The following SLC34A1 variants were observed in gnomAD, a reference collection of about 807,000 sequenced individuals.
SLC34A1 encodes sodium-dependent phosphate transport protein 2A.
A neutral mutation model predicts 51.4 loss-of-function variants in SLC34A1; 57 were observed. That is an observed-to-expected ratio of 1.11 (90% CI 0.90 to 1.38). The LOEUF is 1.38. SLC34A1 is among the 40% of genes most tolerant of loss of function. The pLI is 0.00. For missense variants in SLC34A1, 796 were observed against 835.6 expected, an observed-to-expected ratio of 0.95 and a Z score of 0.58; for synonymous variants, 368 against 358.0, an observed-to-expected ratio of 1.03 and a Z score of -0.32.
At chr5:177,385,549 C>A (rs550839296) in intron 1 of SLC34A1, 146 bp from the exon 2 acceptor site, 21 of 645,620 alleles carry the variant, frequency 3.3e-5, no homozygotes, top group Non-Finnish European at 5.4e-5. Flanking sequence ...TGTGTTTGTG[C>A]GTGTGAGTCT....
At chr5:177,397,700 G>A (rs1561635768) in intron 12 of SLC34A1, 83 bp from the exon 13 acceptor site, 1 of 1,571,958 alleles carries the variant, frequency 6.4e-7, no homozygotes, top group African/African-American at 1.3e-5. Flanking sequence ...CCAGATCGGG[G>A]TTCCTATCAT....
intron 12 of SLC34A1, 68 bp downstream of exon 12, chr5:177,397,142 G>A (rs1028159449): frequency 1.9e-6 from 3 of 1,575,044 alleles, no homozygotes; most frequent in Non-Finnish European, 2.6e-6. Flanking sequence ...GCCTCACAAA[G>A]GTGTGACAAC....
rs750164360 is a variant in SLC34A1 at position 177,398,222 on chromosome 5, T to C, written c.1856T>C (p.Leu619Pro). ...PLPPRVFLEE[L>P]PPATPSPRLA... Reference sequence around the variant, plus strand: ...CCCCCCAGGGTCTTCCTGGAGGAGCTACCCCCTGCCACACCCTCCCCCCGT... The same window carrying C: ...CCCCCCAGGGTCTTCCTGGAGGAGCCACCCCCTGCCACACCCTCCCCCCGT... The change falls in exon 13 of 13, where the codon CTA becomes CCA. Residue 619 changes from leucine to proline, a missense_variant. Leu to Pro is a moderately conservative substitution (Grantham distance 98, BLOSUM62 -3). Coordinates refer to ENST00000324417, the MANE Select transcript of SLC34A1 (RefSeq NM_003052.5). The surrounding 1 kb of genome is among the most constrained non-coding windows in gnomAD (Gnocchi z 4.7). 3 of 1,602,552 alleles carry C rather than the reference T, an allele frequency of 1.9e-6. No individual in the cohort carries two copies. In the South Asian group the frequency reaches 3.3e-5, roughly 18 times the overall value.
At position 177,398,502 on chromosome 5, in the gene SLC34A1, G is replaced by GT; in HGVS notation, c.*217dup. ...GTGCACCTGTCATGTGTAGAAGCTT[G>GT]TATTTGTGTACAGGTGTGCCAGCCC... On this transcript the variant is annotated 3_prime_UTR_variant, in exon 13 of 13. Coordinates refer to ENST00000324417, the MANE Select transcript of SLC34A1 (RefSeq NM_003052.5). The surrounding 1 kb of genome is among the most constrained non-coding windows in gnomAD (Gnocchi z 4.7). 3.1e-6 allele frequency: 2 copies of GT among 642,464 alleles called. No homozygotes were observed. Among genetic ancestry groups the GT allele is most frequent in the Non-Finnish European group, 5.6e-6 (2 of 355,134 alleles). The allele number at this position is 642,464 out of a possible 1,614,324, so 39.8% of individuals were successfully genotyped here.
chr5:177,388,110 C>T lies in SLC34A1; in HGVS notation c.761C>T (p.Ser254Phe), dbSNP rs758903427. 3 of 1,614,158 alleles carry T rather than the reference C, an allele frequency of 1.9e-6. No individual in the cohort carries two copies. Among genetic ancestry groups the T allele is most frequent in the Admixed American group, 1.7e-5 (1 of 60,028 alleles). The change falls in exon 7 of 13, where the codon TCC becomes TTC. Residue 254 changes from serine to phenylalanine, a missense_variant. Transcript: ENST00000324417. This position sits in a 1 kb window ranked among gnomAD's most constrained non-coding sequence, Gnocchi z 4.3. ...LHHITRLVVA[S>F]FNIHGGRDAP... is the part of the protein sequence containing the mutation. Reference sequence around the variant, plus strand: ...CACATCACTCGACTTGTGGTGGCCTCCTTCAACATCCATGGTGGCCGTGAT... The same window carrying T: ...CACATCACTCGACTTGTGGTGGCCTTCTTCAACATCCATGGTGGCCGTGAT...
chr5:177,391,434 TC>T (rs1205413044), intron 8 of SLC34A1, among the ~76,000 whole-genome samples: 2 of 152,112 alleles, frequency 1.3e-5, no homozygotes, highest in Non-Finnish European at 2.9e-5. Flanking sequence ...TTCCCCATTC[TC>T]CTCCAGCCTT....
intron 8 of SLC34A1, among the ~76,000 whole-genome samples, chr5:177,390,712 T>G (rs1314721248): frequency 1.3e-5 from 2 of 151,878 alleles, no homozygotes; most frequent in Admixed American, 6.6e-5. Flanking sequence ...CTCCCTCGGC[T>G]TCCAGAAGAA....
chr5:177,385,140 T>C (rs935256746), intron 1 of SLC34A1, among the ~76,000 whole-genome samples: 3 of 152,072 alleles, frequency 2.0e-5, no homozygotes, highest in Admixed American at 6.5e-5. Context: ...GGGATCTCCG[T>C]GTGTGCCCAG....
intron 8 of SLC34A1, among the ~76,000 whole-genome samples, chr5:177,391,938 T>G (rs949030114): frequency 2.6e-5 from 4 of 152,212 alleles, no homozygotes; most frequent in African/African-American, 7.2e-5. Context: ...CACCTGGCTC[T>G]CTCTCTCCCT....
intron 1 of SLC34A1, among the ~76,000 whole-genome samples, chr5:177,385,358 G>A (rs754723144): frequency 6.6e-6 from 1 of 152,186 alleles, no homozygotes; most frequent in Non-Finnish European, 1.5e-5. Context: ...CGGAGCCTGG[G>A]CTAGAGCTCA....
rs1014275857 is a variant in SLC34A1, at chr5:177,391,530, C to T, written c.937-2164C>T. Among the ~76,000 whole-genome samples the T allele has an allele frequency of 1.1e-4, 17 of 152,334 alleles. No individual in the cohort carries two copies. In the East Asian group the frequency reaches 3.3e-3, roughly 29 times the overall value. On this transcript the variant is annotated intron_variant, in intron 8 of 12. Transcript: ENST00000324417. ...GGGGCACACGTTGACCAGGCACCTA[C>T]TCATTCAAGGGGTTGTCTGCTACCT...
In SLC34A1 at chr5:177,388,031, TG is replaced by T. The variant is rs781133914; in HGVS notation, c.684del (p.Trp228CysfsTer58). The T allele has an allele frequency of 1.1e-5, 17 of 1,613,840 alleles. No individual in the cohort carries two copies. Among genetic ancestry groups the T allele is most frequent in the Non-Finnish European group, 1.4e-5 (17 of 1,179,940 alleles). On this transcript the variant is annotated frameshift_variant, in exon 7 of 13. Transcript: ENST00000324417. LOFTEE classifies it high-confidence loss of function. The surrounding 1 kb of genome is among the most constrained non-coding windows in gnomAD (Gnocchi z 4.3). ...AGATVHDCFN[W>X]LSVLVLLPLE... ...GGCCACGGTGCATGACTGCTTTAAC[TG>T]GCTGTCAGTGCTGGTCCTGCTGCCC...
intron 8 of SLC34A1, chr5:177,389,509 T>C: frequency 1.8e-6 from 2 of 1,132,038 alleles, no homozygotes; most frequent in Non-Finnish European, 1.2e-6. Context: ...CAGCCTTACA[T>C]AAAAAAAAAC....
chr5:177,396,839 C>T lies in SLC34A1; in HGVS notation c.1281C>T (p.Thr427=). Residue 427 remains threonine (T), a synonymous_variant, in exon 11 of 13, where the codon ACC becomes ACT. Transcript: ENST00000324417. This position sits in a 1 kb window ranked among gnomAD's most constrained non-coding sequence, Gnocchi z 4.0. The part of the protein sequence containing the change: ...QSSSVFTSAI[T]PLIGLGVISI... ...GTTCTGTGTTCACCTCGGCCATCACCCCACTCATCGGTGAGTGCCCATGTA... is the reference window on the plus strand; with the variant it reads ...GTTCTGTGTTCACCTCGGCCATCACTCCACTCATCGGTGAGTGCCCATGTA... 6.2e-7 allele frequency: 1 copy of T among 1,614,242 alleles called. No homozygotes were observed. Among genetic ancestry groups the T allele is most frequent in the Non-Finnish European group, 8.5e-7 (1 of 1,180,044 alleles).
chr5:177,388,190 G>C lies in SLC34A1; in HGVS notation c.840+1G>C. The C allele has an allele frequency of 6.2e-7, 1 of 1,614,108 alleles. No homozygotes were observed. Among genetic ancestry groups the C allele is most frequent in the Non-Finnish European group, 8.5e-7 (1 of 1,180,016 alleles). ...GCCCTTCACGAAGCTCATCATCCAG[G>C]TGACAGCAGGGCCTGGCATGGGGTG... On this transcript the variant is annotated splice_donor_variant, in intron 7 of 12. Coordinates refer to ENST00000324417, the MANE Select transcript of SLC34A1 (RefSeq NM_003052.5). LOFTEE classifies it high-confidence loss of function. The surrounding 1 kb of genome is among the most constrained non-coding windows in gnomAD (Gnocchi z 4.3).
chr5:177,388,447 T>C lies in SLC34A1; in HGVS notation c.936+75T>C. On this transcript the variant is annotated intron_variant, in intron 8 of 12. Coordinates refer to ENST00000324417, the MANE Select transcript of SLC34A1 (RefSeq NM_003052.5). The surrounding 1 kb of genome is among the most constrained non-coding windows in gnomAD (Gnocchi z 4.3). ...TGGTTTCATTGTCTGTTCAAAATGC[T>C]CCAGATAGACCTTGAAGATCATTTA... The C allele has an allele frequency of 7.9e-7, 1 of 1,264,750 alleles. No homozygotes were observed. 78.3% of individuals were successfully genotyped at this position (1,264,750 alleles called of 1,614,324 possible). A position where few individuals can be genotyped will look rare whatever the true frequency, so the allele number is the denominator to read the frequency against.
At position 177,389,712 on chromosome 5, in the gene SLC34A1, C is replaced by T. The variant is rs1458781941; in HGVS notation, c.936+1340C>T. The T allele has an allele frequency of 3.9e-6, 6 of 1,537,146 alleles. No individual in the cohort carries two copies. In the African/African-American group the frequency reaches 8.2e-5, roughly 21 times the overall value. On this transcript the variant is annotated intron_variant, in intron 8 of 12. Transcript: ENST00000324417. ...CAAGCCATGGAAGACAGCTCTGTTC[C>T]TCACTGCCCCTGAGCTCCCTGCCGG...
Position 177,397,991 on chromosome 5 carries a change from T to C in SLC34A1, c.1625T>C (p.Val542Ala), listed in dbSNP as rs1581650561. 1.2e-6 allele frequency: 2 copies of C among 1,613,890 alleles called. No homozygotes were observed. The highest frequency in any genetic ancestry group is 1.3e-5 in the African/African-American group (1 of 74,870). The change falls in exon 13 of 13, where the codon GTA (valine) becomes GCA (alanine). Residue 542 changes from valine (V) to alanine (A), a missense_variant. By Grantham distance (64) the Val-to-Ala change is moderately conservative (BLOSUM62 0). Transcript: ENST00000324417. ...TCCATGGCAGGCTGGCAGGTCATGG[T>C]AGGTGTGGGCACGCCCTTCGGGGCC... ...GISMAGWQVM[V>A]GVGTPFGALL...
At chr5:177,389,508 A>AT (rs1001852341) in intron 8 of SLC34A1, 2 of 1,147,158 alleles carry the variant, frequency 1.7e-6, no homozygotes, top group Admixed American at 2.4e-5. Flanking sequence ...GCAGCCTTAC[A>AT]TAAAAAAAAA....
Sources: allele counts gnomAD v4.1 joint callset (sites outside exome capture counted in the v4.1 genomes callset), GRCh38; gene constraint gnomAD v4.1.1; non-coding constraint Gnocchi (gnomAD v3.1); transcripts MANE v1.5; gene names NCBI Gene and HGNC (gene_info 2026-07-23, HGNC 2026-07-21).